ANKFN1: variants seen among roughly 807,000 people sequenced by gnomAD.
The protein encoded by ANKFN1 is ankyrin repeat and fibronectin type III domain containing 1, also known as ankyrin repeat and fibronectin type-III domain-containing protein 1.
ANKFN1 carries 74 observed loss-of-function variants against 108.7 expected under a neutral mutation model. That is an observed-to-expected ratio of 0.68 (90% confidence interval 0.56 to 0.83). The LOEUF (loss-of-function observed/expected upper bound fraction) is 0.83, where lower values mean the gene tolerates loss of function less well. Ranked by LOEUF, ANKFN1 falls within the 40% of genes least tolerant of loss-of-function variation. ANKFN1 has a pLI of 0.00. For synonymous variants in ANKFN1, 547 were observed against 516.2 expected (o/e 1.06, Z -0.81); for missense variants, 1,505 against 1,382.3 (o/e 1.09, Z -1.41).
intron 3 of ANKFN1, among the ~76,000 whole-genome samples, chr17:56,276,355 G>A (rs1354659409): frequency 6.6e-6 from 1 of 152,098 alleles, no homozygotes; most frequent in Admixed American, 6.5e-5. Context: ...ATAATCCTTT[G>A]GGTATATACC....
At chr17:56,051,647 C>T (rs1904777340) in intron 4 of ANKFN1, among the ~76,000 whole-genome samples, 1 of 137,122 alleles carries the variant, frequency 7.3e-6, no homozygotes, top group African/African-American at 2.8e-5. Context: ...TTGCAGATGA[C>T]ATGACTGTAT....
At chr17:56,193,903 TAAAG>T (rs951105295) in intron 1 of ANKFN1, among the ~76,000 whole-genome samples, 1 of 152,172 alleles carries the variant, frequency 6.6e-6, no homozygotes, top group Non-Finnish European at 1.5e-5. Flanking sequence ...TCATCTGAAA[TAAAG>T]AAATCTTAAA....
chr17:56,180,868 C>T lies in ANKFN1; in HGVS notation c.-71+27338C>T, dbSNP rs543265730. The stretch of plus-strand genomic sequence containing the variant: ...ATAATCAGTTCTTTATTGAAAGTTT[C>T]ATGACACAGGACTTGATGCTAATTT... On this transcript the variant is annotated intron_variant, in intron 1 of 20. Coordinates refer to ENST00000682825, the MANE Select transcript of ANKFN1 (RefSeq NM_001370326.1). Among the ~76,000 whole-genome samples the T allele has an allele frequency of 1.3e-4, 20 of 152,258 alleles. No homozygotes were observed. The East Asian group carries it at 3.3e-3, about 25-fold the overall frequency.
Position 56,510,660 on chromosome 17 carries a change from C to A in ANKFN1, c.2832C>A (p.Asp944Glu), listed in dbSNP as rs996720759. ...GSAPDVLQVHDVKTPLGPGQD... is the reference protein window; with the variant it reads ...GSAPDVLQVHEVKTPLGPGQD... ...CCCCCGACGTCCTGCAAGTGCACGA[C>A]GTGAAAACCCCTCTGGGGCCGGGCC... is the stretch of plus-strand genomic sequence containing the variant. The change falls in exon 21 of 21, where the codon GAC (aspartate) becomes GAA (glutamate). Residue 944 changes from aspartate to glutamate, a missense_variant. Transcript: ENST00000682825. 11 of 1,536,158 alleles carry A rather than the reference C, an allele frequency of 7.2e-6. No individual in the cohort carries two copies. The highest frequency in any genetic ancestry group is 9.6e-6 in the Non-Finnish European group (11 of 1,146,912).
In ANKFN1 at chr17:56,414,936, C is replaced by T. The variant is rs571814178; in HGVS notation, c.911-25391C>T. Among the ~76,000 whole-genome samples, 6 of 152,166 alleles carry T rather than the reference C, an allele frequency of 3.9e-5. No individual in the cohort carries two copies. The South Asian group carries it at 1.2e-3, about 32-fold the overall frequency. On this transcript the variant is annotated intron_variant, in intron 8 of 20. Coordinates refer to ENST00000682825, the MANE Select transcript of ANKFN1 (RefSeq NM_001370326.1). The stretch of plus-strand genomic sequence containing the variant: ...TCTGGGGTCTGAGATGGGAGGATCA[C>T]TTGCACTTGGGAGGCAGAGGTTGTG...
chr17:56,370,929 C>T (rs545374001), intron 6 of ANKFN1, among the ~76,000 whole-genome samples: 9 of 143,788 alleles, frequency 6.3e-5, no homozygotes, highest in Admixed American at 3.7e-4. Context: ...CTGGAGTGTG[C>T]GCCCGCGTGT....
chr17:56,505,255 T>C (rs9915072), intron 20 of ANKFN1, among the ~76,000 whole-genome samples: 34,797 of 152,130 alleles, frequency 0.23, 4,790 homozygotes, highest in African/African-American at 0.39. Flanking sequence ...GCGTTGCTTT[T>C]AGTATTATTT....
Position 56,365,059 on chromosome 17 carries a change from C to T in ANKFN1, c.602-7587C>T, listed in dbSNP as rs561061739. ...GTATTTAATTTTTAGAATTCCCCTACATTACTTTGCCATTCCTACCTTAAA... is the reference window on the plus strand; with the variant it reads ...GTATTTAATTTTTAGAATTCCCCTATATTACTTTGCCATTCCTACCTTAAA... On this transcript the variant is annotated intron_variant, in intron 6 of 20. Coordinates refer to ENST00000682825, the MANE Select transcript of ANKFN1 (RefSeq NM_001370326.1). 1.1e-3 allele frequency among the ~76,000 whole-genome samples: 167 copies of T among 152,310 alleles called. 1 individual carries two copies. The highest frequency in any genetic ancestry group is 3.7e-3 in the African/African-American group (152 of 41,572).
At chr17:56,103,629 G>A (rs990555271) in intron 4 of ANKFN1, among the ~76,000 whole-genome samples, 6 of 152,166 alleles carry the variant, frequency 3.9e-5, no homozygotes, top group Non-Finnish European at 8.8e-5. Context: ...CTGCTGAAAA[G>A]AGAATTCAGT....
chr17:56,497,367 T>C (rs2051232659), intron 19 of ANKFN1, among the ~76,000 whole-genome samples: 1 of 152,142 alleles, frequency 6.6e-6, no homozygotes. Flanking sequence ...TGGCCCTGAA[T>C]ACTCTGCTGA....
At chr17:56,242,392 G>T (rs1285107616) in intron 3 of ANKFN1, among the ~76,000 whole-genome samples, 1 of 151,902 alleles carries the variant, frequency 6.6e-6, no homozygotes, top group Non-Finnish European at 1.5e-5. Context: ...ATGTTTTATA[G>T]TATTCTCTAC....
chr17:56,509,457 C>T (rs770161785), intron 20 of ANKFN1, among the ~76,000 whole-genome samples: 1 of 152,186 alleles, frequency 6.6e-6, no homozygotes, highest in Admixed American at 6.5e-5. Context: ...CCCAGCTAAG[C>T]CAGGTCCCTT....
intron 2 of ANKFN1, among the ~76,000 whole-genome samples, chr17:56,222,887 C>T (rs1048265152): frequency 5.9e-5 from 9 of 152,270 alleles, no homozygotes; most frequent in East Asian, 3.9e-4. Flanking sequence ...TAAGACCACA[C>T]GTCTAAAAGT....
At chr17:56,203,032 A>G (rs1422664456) in intron 1 of ANKFN1, among the ~76,000 whole-genome samples, 15 of 152,174 alleles carry the variant, frequency 9.9e-5, no homozygotes, top group Admixed American at 9.8e-4. Flanking sequence ...AACTTTCTGT[A>G]ACTGCTCTGC....
chr17:56,284,429 A>G (rs529180555), intron 3 of ANKFN1, among the ~76,000 whole-genome samples: 2 of 152,332 alleles, frequency 1.3e-5, no homozygotes, highest in Admixed American at 6.5e-5. Context: ...CTTCACAAGT[A>G]AACACATAGT....
At chr17:56,127,094 G>T (rs867552829) in intron 4 of ANKFN1, among the ~76,000 whole-genome samples, 3 of 152,048 alleles carry the variant, frequency 2.0e-5, no homozygotes, top group Non-Finnish European at 2.9e-5. Context: ...TCATGAAATG[G>T]GTCTTTATAT....
chr17:56,420,504 C>T (rs191881319), intron 8 of ANKFN1, among the ~76,000 whole-genome samples: 2 of 152,168 alleles, frequency 1.3e-5, no homozygotes, highest in African/African-American at 4.8e-5. Context: ...GATATACTAT[C>T]TTTAGTATGA....
At chr17:56,102,860 T>C (rs1905674106) in intron 4 of ANKFN1, among the ~76,000 whole-genome samples, 1 of 152,346 alleles carries the variant, frequency 6.6e-6, no homozygotes, top group Non-Finnish European at 1.5e-5. Context: ...ATTAAAGGCA[T>C]GAGCCACTGT....
chr17:56,385,632 C>T (rs148589870), intron 8 of ANKFN1, among the ~76,000 whole-genome samples: 8,196 of 152,192 alleles, frequency 0.054, 250 homozygotes, highest in African/African-American at 0.061. Context: ...AAGAAAAAAA[C>T]GAACAACCCC....
Sources: gnomAD v4.1 joint callset for allele counts (sites outside exome capture counted in the v4.1 genomes callset) on GRCh38, gnomAD v4.1.1 for gene constraint, MANE v1.5 for transcripts, NCBI Gene and HGNC (gene_info 2026-07-23, HGNC 2026-07-21) for gene names.